The following FANCB variants were observed in gnomAD, a reference collection of about 807,000 sequenced individuals.
The protein encoded by FANCB is FA complementation group B.
FANCB carries 5 observed loss-of-function variants against 38.9 expected under a neutral mutation model. The ratio of observed to expected loss-of-function variants is 0.13; its 90% CI spans 0.07 to 0.27. The LOEUF (loss-of-function observed/expected upper bound fraction) is 0.27. Among genes scored for constraint, FANCB ranks in the 10% least tolerant of loss-of-function variants. The pLI, the probability that FANCB is intolerant of heterozygous loss-of-function variation, is 1.00. For synonymous variants in FANCB, 236 were observed against 215.4 expected, an observed-to-expected ratio of 1.10 and a Z score of -0.84; for missense variants, 573 against 602.7, an observed-to-expected ratio of 0.95 and a Z score of 0.52.
intron 1 of FANCB, among the ~76,000 whole-genome samples, chrX:14,872,334 G>A (rs1569096365): frequency 8.9e-6 from 1 of 112,320 alleles, no homozygotes; most frequent in Non-Finnish European, 1.9e-5. Context: ...GTAGTTTTCA[G>A]TATCTTTCAA....
chrX:14,857,375 T>A (rs1468408060), intron 5 of FANCB, among the ~76,000 whole-genome samples: 1 of 112,437 alleles, frequency 8.9e-6, no homozygotes, highest in Non-Finnish European at 1.9e-5. Flanking sequence ...TTAGGTTTTT[T>A]TTATTTTGTT....
At chrX:14,693,018 T>C in the FANCB span, among the ~76,000 whole-genome samples, 4 of 106,492 alleles carry the variant, frequency 3.8e-5, no homozygotes. Flanking sequence ...ATTGTGCACA[T>C]GTACCCTAAA....
In FANCB at chrX:14,859,305, T is replaced by C; in HGVS notation, c.981A>G (p.Leu327=). The C allele has an allele frequency of 1.7e-6, 2 of 1,196,917 alleles. No homozygotes were observed. The highest frequency in any genetic ancestry group is 2.3e-6 in the Non-Finnish European group (2 of 882,587). The change falls in exon 4 of 10, where the codon TTA becomes TTG. Residue 327 remains leucine (L), a synonymous_variant. Transcript: ENST00000650831. The part of the protein sequence containing the change: ...QVAAKWEKLS[L]VLIDDFIGSG... ...TTCCAATAAAGTCATCTATCAGTAC[T>C]AAGCTAAGTTTTTCCCATTTAGCAG... is the stretch of plus-strand genomic sequence containing the variant.
downstream of FANCB, chrX:14,835,215 T>A: frequency 1.9e-6 from 1 of 515,455 alleles, no homozygotes; most frequent in Non-Finnish European, 3.6e-6. Flanking sequence ...CTCATTTTCA[T>A]CATTATCCAC....
chrX:14,751,263 GATAA>G, the FANCB span, among the ~76,000 whole-genome samples: 25 of 112,407 alleles, frequency 2.2e-4, no homozygotes, highest in South Asian at 1.5e-3. Flanking sequence ...GTGTACAATG[GATAA>G]ATAGATTGTG....
chrX:14,807,638 A>G, the FANCB span, among the ~76,000 whole-genome samples: 1 of 111,809 alleles, frequency 8.9e-6, no homozygotes, highest in Non-Finnish European at 1.9e-5. Context: ...TGGCTTTTCC[A>G]TATCAACACA....
the FANCB span, among the ~76,000 whole-genome samples, chrX:14,820,493 A>G: frequency 4.5e-5 from 5 of 112,121 alleles, no homozygotes; most frequent in Non-Finnish European, 7.5e-5. Context: ...TTTTCCAACT[A>G]GAAGATAAGC....
chrX:14,813,149 A>T, the FANCB span, among the ~76,000 whole-genome samples: 1 of 109,315 alleles, frequency 9.1e-6, no homozygotes, highest in Non-Finnish European at 1.9e-5. Flanking sequence ...TAAATTGGGT[A>T]TTGATGGGAT....
intron 3 of FANCB, among the ~76,000 whole-genome samples, chrX:14,862,899 T>TA (rs1277837940): frequency 8.9e-6 from 1 of 112,070 alleles, no homozygotes; most frequent in Non-Finnish European, 1.9e-5. Context: ...TTGACTACAG[T>TA]AAAACACTAT....
At chrX:14,866,837 C>T (rs36122466) in intron 2 of FANCB, among the ~76,000 whole-genome samples, 6,998 of 110,692 alleles carry the variant, frequency 0.063, 277 homozygotes, top group African/African-American at 0.13. Flanking sequence ...CTGAGAAAAC[C>T]CTAAAGACTC....
At chrX:14,851,987 G>A (rs1394671086) in intron 6 of FANCB, among the ~76,000 whole-genome samples, 2 of 111,859 alleles carry the variant, frequency 1.8e-5, no homozygotes, top group Non-Finnish European at 3.8e-5. Context: ...ACAGTGACTT[G>A]AGGGAATAAA....
chrX:14,796,686 C>CTA, the FANCB span, among the ~76,000 whole-genome samples: 43 of 42,999 alleles, frequency 1.0e-3, no homozygotes, highest in African/African-American at 4.2e-3. Flanking sequence ...ACACACACGT[C>CTA]TATATATACA....
At chrX:14,690,584 A>G in the FANCB span, 1 of 472,549 alleles carries the variant, frequency 2.1e-6, no homozygotes, top group Non-Finnish European at 3.6e-6. Flanking sequence ...AAAATCATTG[A>G]CCAAGGAAAT....
At chrX:14,777,094 T>A in the FANCB span, among the ~76,000 whole-genome samples, 1 of 112,415 alleles carries the variant, frequency 8.9e-6, no homozygotes, top group African/African-American at 3.2e-5. Context: ...CTTTATCACA[T>A]GTAAGAATGC....
At chrX:14,744,122 G>C in the FANCB span, among the ~76,000 whole-genome samples, 2 of 111,742 alleles carry the variant, frequency 1.8e-5, no homozygotes, top group African/African-American at 6.5e-5. Flanking sequence ...CCTGGCCCTA[G>C]TGTAAAATAC....
At chrX:14,813,906 T>C in the FANCB span, among the ~76,000 whole-genome samples, 287 of 111,503 alleles carry the variant, frequency 2.6e-3, no homozygotes, top group Admixed American at 4.7e-3. Context: ...GGAGGCATCA[T>C]GCTACCTGAC....
At chrX:14,755,058 C>T in the FANCB span, among the ~76,000 whole-genome samples, 1 of 111,610 alleles carries the variant, frequency 9.0e-6, no homozygotes. Context: ...AAGACAAAAA[C>T]CATATAATCA....
chrX:14,807,761 A>T, the FANCB span, among the ~76,000 whole-genome samples: 1 of 112,028 alleles, frequency 8.9e-6, no homozygotes, highest in East Asian at 2.8e-4. Context: ...AAAATAAAAG[A>T]TCAATGAATC....
the FANCB span, among the ~76,000 whole-genome samples, chrX:14,748,923 G>A: frequency 3.6e-5 from 4 of 112,253 alleles, no homozygotes; most frequent in African/African-American, 1.3e-4. Context: ...ATAGAAGACA[G>A]GAAGATCAGA....
Sources: allele counts gnomAD v4.1 joint callset (sites outside exome capture counted in the v4.1 genomes callset), GRCh38; gene constraint gnomAD v4.1.1; transcripts MANE v1.5; gene names NCBI Gene and HGNC (gene_info 2026-07-23, HGNC 2026-07-21).